The following SV2C variants were observed in gnomAD, a reference collection of about 807,000 sequenced individuals.
SV2C encodes synaptic vesicle glycoprotein 2C, also known as solute carrier family 22 member B3.
SV2C carries 49 observed loss-of-function variants against 79.7 expected under a neutral mutation model. That is an observed-to-expected ratio of 0.61 (90% CI 0.49 to 0.78). The LOEUF is 0.78. Ranked by LOEUF, SV2C falls within the 30% of genes least tolerant of loss-of-function variation. The pLI, the probability that SV2C is intolerant of heterozygous loss-of-function variation, is 0.00. For missense variants in SV2C, 833 were observed against 912.9 expected (o/e 0.91, Z 1.13); for synonymous variants, 334 against 333.2 (o/e 1.00, Z -0.03).
chr5:75,883,146 A>G, the SV2C span, among the ~76,000 whole-genome samples: 12 of 140,174 alleles, frequency 8.6e-5, no homozygotes, highest in Admixed American at 3.5e-4. Flanking sequence ...ATGAGATACC[A>G]TCTCACACCA....
chr5:76,013,634 C>A, the SV2C span, among the ~76,000 whole-genome samples: 6 of 151,962 alleles, frequency 3.9e-5, no homozygotes, highest in East Asian at 1.2e-3. Context: ...CCAGAACTTC[C>A]AATGAAAAGT....
the SV2C span, among the ~76,000 whole-genome samples, chr5:75,896,711 A>G: frequency 6.6e-6 from 1 of 150,646 alleles, no homozygotes; most frequent in Non-Finnish European, 1.5e-5. Context: ...CTGTTTCTCC[A>G]CATCCTCTCC....
At chr5:76,176,841 C>A (rs982649435) in intron 2 of SV2C, among the ~76,000 whole-genome samples, 1 of 152,148 alleles carries the variant, frequency 6.6e-6, no homozygotes, top group East Asian at 1.9e-4. Context: ...TAGAGGCCGG[C>A]AAGGTGGCTC....
At chr5:76,147,592 G>A (rs1462008518) in intron 2 of SV2C, among the ~76,000 whole-genome samples, 1 of 152,224 alleles carries the variant, frequency 6.6e-6, no homozygotes, top group Non-Finnish European at 1.5e-5. Flanking sequence ...GAATTTGAGA[G>A]TAGAGGGTGG....
chr5:75,900,423 T>G, the SV2C span, among the ~76,000 whole-genome samples: 2 of 152,230 alleles, frequency 1.3e-5, no homozygotes, highest in African/African-American at 2.4e-5. Context: ...GAGTTTCTGC[T>G]GAGAGATCCG....
At chr5:76,113,221 C>T (rs549578572) in intron 1 of SV2C, among the ~76,000 whole-genome samples, 7 of 152,362 alleles carry the variant, frequency 4.6e-5, no homozygotes, top group African/African-American at 1.7e-4. Flanking sequence ...TTCGACCTCA[C>T]TCCATAATAT....
intron 4 of SV2C, among the ~76,000 whole-genome samples, chr5:76,219,347 C>A (rs145806318): frequency 6.6e-6 from 1 of 152,098 alleles, no homozygotes; most frequent in Non-Finnish European, 1.5e-5. Flanking sequence ...CCTTGGCTTC[C>A]GATTTCCTTC....
chr5:76,026,664 A>G, the SV2C span, among the ~76,000 whole-genome samples: 1 of 152,254 alleles, frequency 6.6e-6, no homozygotes, highest in Non-Finnish European at 1.5e-5. Context: ...AGGAAGCCAG[A>G]TTACAGGAAT....
chr5:76,109,867 C>T (rs1182530911), intron 1 of SV2C, among the ~76,000 whole-genome samples: 1 of 152,130 alleles, frequency 6.6e-6, no homozygotes, highest in Non-Finnish European at 1.5e-5. Flanking sequence ...TTTAGGCCAT[C>T]CAGTTTGTGG....
the SV2C span, among the ~76,000 whole-genome samples, chr5:76,074,787 A>C: frequency 6.6e-6 from 1 of 152,188 alleles, no homozygotes; most frequent in African/African-American, 2.4e-5. Context: ...AGCCATTCTG[A>C]CTTTAGGCAA....
chr5:75,858,980 CT>C, the SV2C span, among the ~76,000 whole-genome samples: 4 of 150,328 alleles, frequency 2.7e-5, no homozygotes, highest in East Asian at 1.9e-4. Flanking sequence ...GGTTTTCTCT[CT>C]TTTTTTTTCA....
the SV2C span, among the ~76,000 whole-genome samples, chr5:75,902,772 GA>G: frequency 6.6e-6 from 1 of 152,134 alleles, no homozygotes; most frequent in African/African-American, 2.4e-5. Flanking sequence ...GCATAAAGTT[GA>G]TCAACTAAAA....
At chr5:76,237,685 G>T (rs1248401282) in intron 4 of SV2C, among the ~76,000 whole-genome samples, 3 of 152,058 alleles carry the variant, frequency 2.0e-5, no homozygotes, top group African/African-American at 7.2e-5. Context: ...ATACTATATT[G>T]ATAGTATGGC....
chr5:75,900,226 G>A, the SV2C span, among the ~76,000 whole-genome samples: 44 of 152,154 alleles, frequency 2.9e-4, no homozygotes, highest in Middle Eastern at 3.4e-3. Context: ...CATGTTTAGC[G>A]CTTCCTTCAG....
At chr5:76,272,175 C>G (rs1746890864) in intron 4 of SV2C, among the ~76,000 whole-genome samples, 1 of 152,142 alleles carries the variant, frequency 6.6e-6, no homozygotes, top group Non-Finnish European at 1.5e-5. Flanking sequence ...GCCCTTTGGG[C>G]ATCAGCAACA....
chr5:76,228,050 ATCTC>A (rs143825160), intron 4 of SV2C, among the ~76,000 whole-genome samples: 7,961 of 148,076 alleles, frequency 0.054, 301 homozygotes, highest in Middle Eastern at 0.096. Context: ...CTTTCTCTCT[ATCTC>A]TCTCTCTCTC....
chr5:75,850,289 A>G, the SV2C span, among the ~76,000 whole-genome samples: 11 of 152,222 alleles, frequency 7.2e-5, no homozygotes, highest in Non-Finnish European at 1.3e-4. Context: ...CTGAATTAAA[A>G]TGTATACACA....
the SV2C span, among the ~76,000 whole-genome samples, chr5:75,853,460 G>A: frequency 6.6e-6 from 1 of 150,438 alleles, no homozygotes; most frequent in East Asian, 2.0e-4. Context: ...GGAAGCTGAG[G>A]CAGGAGAATG....
At chr5:76,306,499 C>T (rs1652865838) in intron 12 of SV2C, among the ~76,000 whole-genome samples, 1 of 152,180 alleles carries the variant, frequency 6.6e-6, no homozygotes, top group South Asian at 2.1e-4. Flanking sequence ...GAGGATTTAG[C>T]TATGCAAAAG....
Sources: allele counts gnomAD v4.1 joint callset (sites outside exome capture counted in the v4.1 genomes callset), GRCh38; gene constraint gnomAD v4.1.1; transcripts MANE v1.5; gene names NCBI Gene and HGNC (gene_info 2026-07-23, HGNC 2026-07-21).